KIF26B: variants seen among roughly 807,000 people sequenced by gnomAD.
The protein encoded by KIF26B is kinesin family member 26B.
Under a neutral mutation model 151.2 loss-of-function variants are expected in KIF26B, and 63 were observed. That is an observed-to-expected ratio of 0.42 (90% CI 0.34 to 0.51). The LOEUF (loss-of-function observed/expected upper bound fraction) is 0.51. KIF26B is among the 20% of genes least tolerant of loss of function. The pLI, the probability that KIF26B is intolerant of heterozygous loss-of-function variation, is 0.07. For missense variants in KIF26B, 2,813 were observed against 2,913.6 expected, an observed-to-expected ratio of 0.97 and a Z score of 0.79; for synonymous variants, 1,357 against 1,262.1, an observed-to-expected ratio of 1.08 and a Z score of -1.59.
intron 2 of KIF26B, among the ~76,000 whole-genome samples, chr1:245,214,885 G>A (rs960505821): frequency 6.6e-6 from 1 of 152,038 alleles, no homozygotes; most frequent in Non-Finnish European, 1.5e-5. Context: ...GACAGAATAT[G>A]GTAGGCGGTA....
At chr1:245,303,345 C>T (rs1431203852) in intron 2 of KIF26B, among the ~76,000 whole-genome samples, 3 of 151,238 alleles carry the variant, frequency 2.0e-5, no homozygotes, top group Admixed American at 2.0e-4. Flanking sequence ...ACTACAGGTG[C>T]CCGCCACCAC....
chr1:245,205,757 G>A (rs1669393064), intron 2 of KIF26B, among the ~76,000 whole-genome samples: 1 of 149,552 alleles, frequency 6.7e-6, no homozygotes, highest in African/African-American at 2.5e-5. Flanking sequence ...CTGTTGCCTA[G>A]GCTGGAGTGC....
At chr1:245,214,022 G>A (rs1425023896) in intron 2 of KIF26B, 1 of 152,204 alleles carries the variant, frequency 6.6e-6, no homozygotes, top group Non-Finnish European at 1.5e-5. Context: ...AAGGAGGGAT[G>A]TGTAGATGGG....
At chr1:245,689,879 T>C (rs564106530) in intron 12 of KIF26B, among the ~76,000 whole-genome samples, 1 of 152,204 alleles carries the variant, frequency 6.6e-6, no homozygotes, top group East Asian at 1.9e-4. Context: ...TTTTTAAGAA[T>C]CTCCTATCAA....
chr1:245,306,170 G>A (rs914221718), intron 2 of KIF26B, among the ~76,000 whole-genome samples: 1 of 152,062 alleles, frequency 6.6e-6, no homozygotes, highest in Non-Finnish European at 1.5e-5. Context: ...CTGAAGAATG[G>A]ATAAACAAAA....
intron 2 of KIF26B, among the ~76,000 whole-genome samples, chr1:245,364,005 T>C (rs976003296): frequency 6.6e-6 from 1 of 152,136 alleles, no homozygotes; most frequent in African/African-American, 2.4e-5. Context: ...GGATTGGTCC[T>C]GTGAGTCACT....
At position 245,495,297 on chromosome 1, in the gene KIF26B, G is replaced by A. The variant is rs1572091504; in HGVS notation, c.1167-45470G>A. ...ATATAATTGAAGGCCTGGAAGAGGG[G>A]AAGAGGGAATGAGGCAGAAGCAATA... On this transcript the variant is annotated intron_variant, in intron 4 of 14. Transcript: ENST00000407071. The surrounding 1 kb of genome is among the most constrained non-coding windows in gnomAD (Gnocchi z 4.2). 6.6e-6 allele frequency among the ~76,000 whole-genome samples: 1 copy of A among 152,168 alleles called. No homozygotes were observed. Among genetic ancestry groups the A allele is most frequent in the Non-Finnish European group, 1.5e-5 (1 of 68,034 alleles).
chr1:245,507,214 A>G (rs185944562), intron 4 of KIF26B, among the ~76,000 whole-genome samples: 42 of 152,314 alleles, frequency 2.8e-4, no homozygotes, highest in African/African-American at 9.6e-4. Context: ...GCTGGTAATA[A>G]GTCTGGAAAC....
chr1:245,190,634 G>GTTTTTTTTTTTTT (rs149338802), intron 2 of KIF26B, among the ~76,000 whole-genome samples: 1 of 106,856 alleles, frequency 9.4e-6, no homozygotes, highest in Admixed American at 9.7e-5. Flanking sequence ...TGAATGTTTT[G>GTTTTTTTTTTTTT]TTTTGTTTTT....
At position 245,156,508 on chromosome 1, in the gene KIF26B, C is replaced by T. The variant is rs1558327560; in HGVS notation, c.290C>T (p.Pro97Leu). The change falls in exon 2 of 15, where the codon CCG becomes CTG. Residue 97 changes from proline to leucine, a missense_variant. Pro to Leu is a moderately conservative substitution (Grantham distance 98). Transcript: ENST00000407071. ...TCCCCCGGCATCGGCACTAGTTCGC[C>T]GGGCTCCTTGGGCGGCTCTCCGGGC... ...PASPGIGTSS[P>L]GSLGGSPGFG... is the part of the protein sequence containing the mutation. 4 of 1,530,920 alleles carry T rather than the reference C, an allele frequency of 2.6e-6. No homozygotes were observed. The highest frequency in any genetic ancestry group is 3.5e-6 in the Non-Finnish European group (4 of 1,143,202). The allele number at this position is 1,530,920 out of a possible 1,614,324, so 94.8% of individuals were successfully genotyped here. A position where few individuals can be genotyped will look rare whatever the true frequency, so the allele number is the denominator to read the frequency against.
Position 245,304,596 on chromosome 1 carries a change from A to G in KIF26B, c.466-62238A>G, listed in dbSNP as rs77054785. Reference sequence around the variant, plus strand: ...TTTGCAGACAAGCCCAAGTCTAAAAAAAATTCAGATGTAGCCTAATACTGC... The same window carrying G: ...TTTGCAGACAAGCCCAAGTCTAAAAGAAATTCAGATGTAGCCTAATACTGC... On this transcript the variant is annotated intron_variant, in intron 2 of 14. Coordinates refer to ENST00000407071, the MANE Select transcript of KIF26B (RefSeq NM_018012.4). Among the ~76,000 whole-genome samples the G allele has an allele frequency of 9.2e-3, 1,405 of 152,306 alleles. 16 individuals are homozygous for G. Among genetic ancestry groups the G allele is most frequent in the Middle Eastern group, 0.034 (10 of 294 alleles).
At chr1:245,381,996 T>C (rs1423630686) in intron 3 of KIF26B, among the ~76,000 whole-genome samples, 2 of 152,208 alleles carry the variant, frequency 1.3e-5, no homozygotes, top group African/African-American at 4.8e-5. Flanking sequence ...GTTGCTTCCA[T>C]CTCTTGGTTC....
At chr1:245,434,692 T>G (rs1170334828) in intron 4 of KIF26B, among the ~76,000 whole-genome samples, 1 of 152,024 alleles carries the variant, frequency 6.6e-6, no homozygotes, top group Non-Finnish European at 1.5e-5. Context: ...AGTTGGTGGA[T>G]AAACACCCCA....
At chr1:245,618,440 C>T (rs2043617675) in intron 9 of KIF26B, among the ~76,000 whole-genome samples, 1 of 151,456 alleles carries the variant, frequency 6.6e-6, no homozygotes, top group Non-Finnish European at 1.5e-5. Flanking sequence ...GCCTATTAGA[C>T]TATAGGTTCC....
At position 245,160,467 on chromosome 1, in the gene KIF26B, G is replaced by A. The variant is rs544892131; in HGVS notation, c.465+3784G>A. On this transcript the variant is annotated intron_variant, in intron 2 of 14. Coordinates refer to ENST00000407071, the MANE Select transcript of KIF26B (RefSeq NM_018012.4). ...GAGCCAGAAATAGGGGCCAAGGAAC[G>A]AATTGCTCAATTTTGGGCTAGCCTA... 1.2e-4 allele frequency among the ~76,000 whole-genome samples: 18 copies of A among 152,248 alleles called. No individual in the cohort carries two copies. In the South Asian group the frequency reaches 2.5e-3, roughly 21 times the overall value.
chr1:245,516,919 C>T lies in KIF26B; in HGVS notation c.1167-23848C>T, dbSNP rs796896249. Among the ~76,000 whole-genome samples the T allele has an allele frequency of 6.6e-6, 1 of 152,208 alleles. No individual in the cohort carries two copies. The highest frequency in any genetic ancestry group is 2.1e-4 in the South Asian group (1 of 4,826). On this transcript the variant is annotated intron_variant, in intron 4 of 14. Coordinates refer to ENST00000407071, the MANE Select transcript of KIF26B (RefSeq NM_018012.4). This position sits in a 1 kb window ranked among gnomAD's most constrained non-coding sequence, Gnocchi z 4.2. ...GGGGAGGGGGCGCTGGGCTGATTGC[C>T]CTGGCTGCTCCCCACAGCTCCACGG...
chr1:245,648,217 C>G (rs920719118), intron 10 of KIF26B, among the ~76,000 whole-genome samples: 19 of 152,266 alleles, frequency 1.2e-4, no homozygotes, highest in Non-Finnish European at 2.8e-4. Context: ...GGGCGACATG[C>G]TTTTATGATT....
chr1:245,612,097 T>TGA (rs1376600338), intron 9 of KIF26B, 121 bp downstream of exon 9: 66 of 654,668 alleles, frequency 1.0e-4, no homozygotes, highest in African/African-American at 3.9e-4. Context: ...TGTGTGTGTG[T>TGA]GTGTGTGTGA....
In KIF26B at chr1:245,688,690, C is replaced by T. The variant is rs867925521; in HGVS notation, c.5707C>T (p.Arg1903Trp). 7 of 1,605,688 alleles carry T rather than the reference C, an allele frequency of 4.4e-6. No homozygotes were observed. The highest frequency in any genetic ancestry group is 2.2e-5 in the South Asian group (2 of 89,768). ...CAGCAGCGGCTACGAGAGCGTGATG[C>T]GGGACAGCGAGGCCACCGGCAGCGC... is the stretch of plus-strand genomic sequence containing the variant. ...GGSSGYESVM[R>W]DSEATGSASS... The change falls in exon 12 of 15, where the codon CGG becomes TGG. Residue 1903 changes from arginine to tryptophan, a missense_variant. Physicochemically the swap from Arg to Trp is moderately radical, Grantham distance 101. Around this residue, in one of 3 missense-constraint regions of KIF26B, gnomAD observed 2,060 missense variants for 2,088.6 expected, o/e 0.99. Transcript: ENST00000407071.
Sources: allele counts gnomAD v4.1 joint callset (sites outside exome capture counted in the v4.1 genomes callset), GRCh38; gene constraint gnomAD v4.1.1; regional missense constraint gnomAD v4.1.1; non-coding constraint Gnocchi (gnomAD v3.1); transcripts MANE v1.5; gene names NCBI Gene and HGNC (gene_info 2026-07-23, HGNC 2026-07-21).